The following MYOCOS variants were observed in gnomAD, a reference collection of about 807,000 sequenced individuals.
MYOCOS encodes the protein myocilin opposite strand protein.
intron 2 of MYOCOS, among the ~76,000 whole-genome samples, chr1:171,625,637 C>T (rs1652678785): frequency 1.3e-5 from 2 of 152,176 alleles, no homozygotes; most frequent in Admixed American, 6.5e-5. Context: ...CTCTGGTATA[C>T]TCCAGCAGAA....
intron 2 of MYOCOS, among the ~76,000 whole-genome samples, chr1:171,625,464 TG>T (rs1558083209): frequency 6.6e-6 from 1 of 152,210 alleles, no homozygotes; most frequent in Non-Finnish European, 1.5e-5. Flanking sequence ...AGATTTAATG[TG>T]GGGGCTGAGA....
At chr1:171,616,867 CA>C in intron 2 of MYOCOS, among the ~76,000 whole-genome samples, 1 of 152,320 alleles carries the variant, frequency 6.6e-6, no homozygotes, top group East Asian at 1.9e-4. Context: ...CTTGTTATCA[CA>C]GCCATGTAGC....
chr1:171,619,469 G>A (rs535877434), upstream of MYOCOS, among the ~76,000 whole-genome samples: 6 of 152,296 alleles, frequency 3.9e-5, no homozygotes, highest in Admixed American at 3.9e-4. Context: ...CAGACTCCCT[G>A]AGGGTTCCTG....
chr1:171,608,078 A>T (rs999256261), intron 1 of MYOCOS, among the ~76,000 whole-genome samples: 2 of 152,208 alleles, frequency 1.3e-5, no homozygotes, highest in African/African-American at 4.8e-5. Context: ...TATGGGGGAA[A>T]CTGCCCTTAT....
chr1:171,608,408 C>CTTTTTTTTTT lies in MYOCOS; in HGVS notation c.-251-6372_-251-6363dup, dbSNP rs34773729. Among the ~76,000 whole-genome samples, 11 of 51,382 alleles carry CTTTTTTTTTT rather than the reference C, an allele frequency of 2.1e-4. 4 individuals are homozygous for CTTTTTTTTTT. Among genetic ancestry groups the CTTTTTTTTTT allele is most frequent in the African/African-American group, 9.5e-4 (11 of 11,554 alleles). The allele number at this position is 51,382 out of a possible 152,430, so 33.7% of individuals were successfully genotyped here. A position where few individuals can be genotyped will look rare whatever the true frequency, so the allele number is the denominator to read the frequency against. ...CTGGCCTTGAGTCCAGGGAACCAGA[C>CTTTTTTTTTT]TTTTTTTTTTTTTTTTTTTTTTTTT... On this transcript the variant is annotated intron_variant, in intron 1 of 3. Coordinates refer to the MYOCOS transcript ENST00000636697.
At chr1:171,625,308 T>C (rs1221224443) in intron 2 of MYOCOS, among the ~76,000 whole-genome samples, 1 of 152,160 alleles carries the variant, frequency 6.6e-6, no homozygotes, top group Admixed American at 6.5e-5. Flanking sequence ...CCACATCCTC[T>C]CAGCAACATT....
intron 1 of MYOCOS, among the ~76,000 whole-genome samples, chr1:171,602,351 G>A (rs1300481199): frequency 1.3e-5 from 2 of 152,012 alleles, no homozygotes; most frequent in African/African-American, 4.8e-5. Context: ...AAAGTAAAAT[G>A]TACCTTTAGT....
At chr1:171,614,188 G>A (rs958271091) in intron 1 of MYOCOS, among the ~76,000 whole-genome samples, 3 of 152,184 alleles carry the variant, frequency 2.0e-5, no homozygotes, top group African/African-American at 7.2e-5. Context: ...GGTCCACATT[G>A]CCTGGTAATC....
chr1:171,615,548 T>C (rs554670127), intron 2 of MYOCOS, among the ~76,000 whole-genome samples: 2 of 152,330 alleles, frequency 1.3e-5, no homozygotes, highest in African/African-American at 4.8e-5. Context: ...AAACCAGGCC[T>C]GGGCCTGCCT....
intron 1 of MYOCOS, among the ~76,000 whole-genome samples, chr1:171,603,105 C>G (rs1282717115): frequency 6.6e-6 from 1 of 152,200 alleles, no homozygotes; most frequent in Non-Finnish European, 1.5e-5. Flanking sequence ...TCTGCTATAT[C>G]CCGAAGTCCC....
At chr1:171,615,210 AG>A (rs1652424620) in intron 2 of MYOCOS, among the ~76,000 whole-genome samples, 1 of 152,250 alleles carries the variant, frequency 6.6e-6, no homozygotes, top group South Asian at 2.1e-4. Context: ...AAGAGTGACC[AG>A]GATGAAAGCA....
chr1:171,613,649 G>C (rs1466942367), intron 1 of MYOCOS, among the ~76,000 whole-genome samples: 1 of 152,084 alleles, frequency 6.6e-6, no homozygotes, highest in African/African-American at 2.4e-5. Context: ...CTGGGCTCAA[G>C]TGATCCTCCC....
chr1:171,609,783 G>A (rs1268935636), intron 1 of MYOCOS, among the ~76,000 whole-genome samples: 1 of 152,148 alleles, frequency 6.6e-6, no homozygotes, highest in African/African-American at 2.4e-5. Context: ...TTATAGGCAT[G>A]AGCCACTGCA....
intron 1 of MYOCOS, among the ~76,000 whole-genome samples, chr1:171,622,552 C>T (rs895822712): frequency 3.3e-5 from 5 of 152,100 alleles, no homozygotes; most frequent in Admixed American, 2.0e-4. Flanking sequence ...TGAGTTGGTG[C>T]GTAAAAGCAG....
At chr1:171,606,336 T>G (rs1032454468) in intron 1 of MYOCOS, among the ~76,000 whole-genome samples, 1 of 151,834 alleles carries the variant, frequency 6.6e-6, no homozygotes, top group Non-Finnish European at 1.5e-5. Context: ...AAAGTAAGAG[T>G]CTCAAAAGGA....
intron 1 of MYOCOS, among the ~76,000 whole-genome samples, chr1:171,610,386 T>A (rs750831018): frequency 6.6e-6 from 1 of 152,206 alleles, no homozygotes; most frequent in Non-Finnish European, 1.5e-5. Context: ...TAGATACCCA[T>A]GCTTAGTATC....
At chr1:171,625,928 G>A (rs1011394257) in intron 2 of MYOCOS, among the ~76,000 whole-genome samples, 11 of 152,170 alleles carry the variant, frequency 7.2e-5, no homozygotes, top group Non-Finnish European at 1.6e-4. Flanking sequence ...TGGCACCAAC[G>A]GGGACAGCTG....
chr1:171,602,179 T>C (rs1652155862), intron 1 of MYOCOS, among the ~76,000 whole-genome samples: 1 of 152,136 alleles, frequency 6.6e-6, no homozygotes, highest in East Asian at 1.9e-4. Context: ...AAAAAATCTT[T>C]GTAATAAGTC....
chr1:171,620,068 C>CATATATAT (rs139274519), upstream of MYOCOS, among the ~76,000 whole-genome samples: 4 of 142,550 alleles, frequency 2.8e-5, no homozygotes, highest in Non-Finnish European at 4.6e-5. Flanking sequence ...CTCCCCTTTA[C>CATATATAT]ATATATATAT....
Sources: gnomAD v4.1 joint callset for allele counts (sites outside exome capture counted in the v4.1 genomes callset) on GRCh38, gnomAD v4.1.1 for gene constraint, MANE v1.5 for transcripts, NCBI Gene and HGNC (gene_info 2026-07-23, HGNC 2026-07-21) for gene names.